IL6ST: variants seen among roughly 807,000 people sequenced by gnomAD.
IL6ST encodes interleukin-6 receptor subunit beta.
IL6ST carries 24 observed loss-of-function variants against 91.3 expected under a neutral mutation model. The observed-to-expected ratio is 0.26, with a 90% CI of 0.19 to 0.37. The LOEUF (loss-of-function observed/expected upper bound fraction) is 0.37, where lower values mean the gene tolerates loss of function less well. Among genes scored for constraint, IL6ST ranks in the 10% least tolerant of loss-of-function variants. The pLI is 1.00. For missense variants in IL6ST, 914 were observed against 1,078.5 expected (o/e 0.85, Z 2.14); for synonymous variants, 351 against 373.6 (o/e 0.94, Z 0.70).
intron 8 of IL6ST, 131 bp from the exon 9 acceptor site, chr5:55,957,422 C>T (rs530503665): frequency 6.2e-6 from 3 of 480,432 alleles, no homozygotes; most frequent in East Asian, 3.7e-5. Flanking sequence ...CTCTTTATAC[C>T]AGCATTTTCC....
At chr5:55,992,733 C>G (rs1429494982) in intron 1 of IL6ST, among the ~76,000 whole-genome samples, 2 of 152,142 alleles carry the variant, frequency 1.3e-5, no homozygotes, top group African/African-American at 4.8e-5. Context: ...AAATCCTACC[C>G]AGGTTTCAAG....
intron 3 of IL6ST, among the ~76,000 whole-genome samples, chr5:55,972,587 C>T (rs1753025987): frequency 6.6e-6 from 1 of 152,102 alleles, no homozygotes; most frequent in African/African-American, 2.4e-5. Flanking sequence ...TCAAATTAAT[C>T]CCATTTTACA....
intron 8 of IL6ST, among the ~76,000 whole-genome samples, chr5:55,958,024 T>C (rs1403883822): frequency 1.3e-5 from 2 of 152,220 alleles, no homozygotes; most frequent in South Asian, 2.1e-4. Context: ...ATAAGGATGA[T>C]TGAGAGTGAT....
At position 55,956,112 on chromosome 5, in the gene IL6ST, C is replaced by G. The variant is rs765862054; in HGVS notation, c.1180G>C (p.Asp394His). The change falls in exon 10 of 17, where the codon GAT becomes CAT. Residue 394 changes from aspartate (D) to histidine (H), a missense_variant. Asp to His is a moderately conservative substitution (Grantham distance 81, BLOSUM62 -1). Coordinates refer to ENST00000381298, the MANE Select transcript of IL6ST (RefSeq NM_002184.4). ...ATKLTVNLTNDRYLATLTVRN... is the reference protein window; with the variant it reads ...ATKLTVNLTNHRYLATLTVRN... ...ACTGTTAGGGTTGCTAGATAGCGATCATTTGTGAGATTTACTGTCAGTTTT... is the reference window on the plus strand; with the variant it reads ...ACTGTTAGGGTTGCTAGATAGCGATGATTTGTGAGATTTACTGTCAGTTTT... The G allele has an allele frequency of 1.2e-6, 2 of 1,613,034 alleles. No homozygotes were observed. The highest frequency in any genetic ancestry group is 2.7e-5 in the African/African-American group (2 of 74,984).
In IL6ST at chr5:55,935,673, C is replaced by T. The variant is rs1393198785; in HGVS notation, c.*5409G>A. The T allele has an allele frequency of 1.4e-5, 3 of 219,110 alleles. No homozygotes were observed. The highest frequency in any genetic ancestry group is 5.8e-5 in the Admixed American group (1 of 17,284). The allele number at this position is 219,110 out of a possible 1,614,324, so 13.6% of individuals were successfully genotyped here. ...GTAGTCTTTCACTCCATTAACTTGC[C>T]CAAGCACTGGACTTAAGTATGGAAG... On this transcript the variant is annotated 3_prime_UTR_variant, in exon 17 of 17. Coordinates refer to ENST00000381298, the MANE Select transcript of IL6ST (RefSeq NM_002184.4).
At chr5:55,986,102 A>G (rs1429727980) in intron 1 of IL6ST, among the ~76,000 whole-genome samples, 1 of 152,250 alleles carries the variant, frequency 6.6e-6, no homozygotes, top group African/African-American at 2.4e-5. Context: ...TGCTGCTGGT[A>G]GAGTGTTACA....
Position 55,956,224 on chromosome 5 carries a change from A to C in IL6ST, c.1068T>G (p.Pro356=), listed in dbSNP as rs1437978514. The part of the protein sequence containing the change: ...TVQLVWKTLP[P]FEANGKILDY... ...CCAAGATTTTTCCATTGGCTTCAAA[A>C]GGAGGCAATGTCTGTAATAAAATAG... is the stretch of plus-strand genomic sequence containing the variant. The change falls in exon 10 of 17, where the codon CCT becomes CCG. Residue 356 remains proline, a synonymous_variant. Coordinates refer to ENST00000381298, the MANE Select transcript of IL6ST (RefSeq NM_002184.4). 1 of 1,574,984 alleles carries C rather than the reference A, an allele frequency of 6.3e-7. No homozygotes were observed. The highest frequency in any genetic ancestry group is 1.3e-5 in the African/African-American group (1 of 74,130).
chr5:55,971,483 TC>T (rs1335934276), intron 3 of IL6ST, among the ~76,000 whole-genome samples: 1 of 152,196 alleles, frequency 6.6e-6, no homozygotes, highest in Non-Finnish European at 1.5e-5. Context: ...AAGATAAAAG[TC>T]CCAACTATTT....
Position 55,936,272 on chromosome 5 carries a change from C to T in IL6ST, c.*4810G>A. 1 of 222,292 alleles carries T rather than the reference C, an allele frequency of 4.5e-6. No individual in the cohort carries two copies. The highest frequency in any genetic ancestry group is 8.9e-6 in the Non-Finnish European group (1 of 111,940). 13.8% of individuals were successfully genotyped at this position (222,292 alleles called of 1,614,324 possible). A position where few individuals can be genotyped will look rare whatever the true frequency, so the allele number is the denominator to read the frequency against. On this transcript the variant is annotated 3_prime_UTR_variant, in exon 17 of 17. Transcript: ENST00000381298. The stretch of plus-strand genomic sequence containing the variant: ...CAAGGATGGAGACTCCAGCAGAGTG[C>T]AGGGTGGGCACAGACAGGCCACAAG...
In IL6ST at chr5:55,976,231, G is replaced by A. The variant is rs745957050; in HGVS notation, c.48C>T (p.Leu16=). 2.5e-6 allele frequency: 4 copies of A among 1,582,254 alleles called. No individual in the cohort carries two copies. The South Asian group carries it at 3.5e-5, about 14-fold the overall frequency. Reference sequence around the variant, plus strand: ...GAACCTTACCTGTAGATTCAGTGGTGAGGAAAATAAACAAGGCTTGCACTA... The same window carrying A: ...GAACCTTACCTGTAGATTCAGTGGTAAGGAAAATAAACAAGGCTTGCACTA... The part of the protein sequence containing the change: ...TWLVQALFIF[L]TTESTGELLD... Residue 16 remains leucine, a synonymous_variant, in exon 3 of 17, where the codon CTC becomes CTT. Coordinates refer to ENST00000381298, the MANE Select transcript of IL6ST (RefSeq NM_002184.4).
intron 11 of IL6ST, among the ~76,000 whole-genome samples, chr5:55,953,000 GCAGTGAGCCGAGATCGCACCACTGCACTC>G (rs555861105): frequency 6.4e-4 from 98 of 152,262 alleles, no homozygotes; most frequent in African/African-American, 2.3e-3. Context: ...GGCGGAGCTT[GCAGTGAGCCGAGATCGCACCACTGCACTC>G]CAGCCTGGGC....
At chr5:55,950,764 C>T (rs892786435) in intron 14 of IL6ST, among the ~76,000 whole-genome samples, 3 of 151,716 alleles carry the variant, frequency 2.0e-5, no homozygotes, top group Non-Finnish European at 4.4e-5. Flanking sequence ...AGAAGGATCA[C>T]TTGAGCCCAG....
At chr5:55,977,545 G>A (rs906066485) in intron 2 of IL6ST, among the ~76,000 whole-genome samples, 2 of 152,140 alleles carry the variant, frequency 1.3e-5, no homozygotes, top group African/African-American at 2.4e-5. Context: ...TATACATTTG[G>A]CAGGACGCGA....
intron 5 of IL6ST, 38 bp downstream of exon 5, chr5:55,968,238 T>C: frequency 1.3e-6 from 2 of 1,509,874 alleles, no homozygotes; most frequent in Non-Finnish European, 1.8e-6. Flanking sequence ...TGACTAACTT[T>C]AATAAATCTA....
chr5:55,975,542 A>T lies in IL6ST; in HGVS notation c.64+673T>A, dbSNP rs533716464. Among the ~76,000 whole-genome samples, 9 of 148,840 alleles carry T rather than the reference A, an allele frequency of 6.0e-5. No individual in the cohort carries two copies. In the South Asian group the frequency reaches 8.5e-4, roughly 14 times the overall value. On this transcript the variant is annotated intron_variant, in intron 3 of 16. Transcript: ENST00000381298. The stretch of plus-strand genomic sequence containing the variant: ...AGAATGGACTAATACTTGGCTAATT[A>T]AAAAAAAAAATTGTAGAGATGGGGC...
At chr5:55,965,500 A>G (rs1011410047) in intron 5 of IL6ST, among the ~76,000 whole-genome samples, 2 of 152,190 alleles carry the variant, frequency 1.3e-5, no homozygotes, top group East Asian at 1.9e-4. Context: ...AATCTAAAAA[A>G]TCTAAAAACT....
At chr5:55,954,637 C>T (rs567985423) in intron 11 of IL6ST, among the ~76,000 whole-genome samples, 173 bp downstream of exon 11, 95 of 152,246 alleles carry the variant, frequency 6.2e-4, no homozygotes, top group African/African-American at 2.3e-3. Flanking sequence ...CATAAAGAGA[C>T]TGTAATTCAG....
At position 55,935,279 on chromosome 5, in the gene IL6ST, ACT is replaced by A. The variant is rs1491249823; in HGVS notation, c.*5801_*5802del. The A allele has an allele frequency of 5.3e-6, 1 of 188,872 alleles. No homozygotes were observed. Among genetic ancestry groups the A allele is most frequent in the East Asian group, 8.5e-5 (1 of 11,832 alleles). 11.7% of individuals were successfully genotyped at this position (188,872 alleles called of 1,614,324 possible). On this transcript the variant is annotated 3_prime_UTR_variant, in exon 17 of 17. Coordinates refer to ENST00000381298, the MANE Select transcript of IL6ST (RefSeq NM_002184.4). Reference sequence around the variant, plus strand: ...AATAAGAAATGACAATTCTAGATACACTTTTTTGACATGTAAAATGACATAAC... The same window carrying A: ...AATAAGAAATGACAATTCTAGATACATTTTTGACATGTAAAATGACATAAC...
At chr5:55,942,542 G>T in intron 16 of IL6ST, 128 bp downstream of exon 16, 2 of 517,562 alleles carry the variant, frequency 3.9e-6, no homozygotes, top group South Asian at 3.1e-5. Flanking sequence ...TTTACTTTTT[G>T]ATTCAGCTTG....
Sources: gnomAD v4.1 joint callset for allele counts (sites outside exome capture counted in the v4.1 genomes callset) on GRCh38, gnomAD v4.1.1 for gene constraint, MANE v1.5 for transcripts, NCBI Gene and HGNC (gene_info 2026-07-23, HGNC 2026-07-21) for gene names.